MMP26: variants seen among roughly 807,000 people sequenced by gnomAD.
The protein encoded by MMP26 is matrix metallopeptidase 26.
Under a neutral mutation model 31.0 loss-of-function variants are expected in MMP26, and 33 were observed. The ratio of observed to expected loss-of-function variants is 1.06; its 90% CI spans 0.81 to 1.42. MMP26 has a LOEUF of 1.42. Ranked by LOEUF, MMP26 falls within the 40% of genes most tolerant of loss-of-function variation. The probability of loss-of-function intolerance (pLI) is 0.00; values close to 1 mark genes in which losing one functional copy is unlikely to be tolerated. For missense variants in MMP26, 347 were observed against 316.1 expected, an observed-to-expected ratio of 1.10 and a Z score of -0.74; for synonymous variants, 122 against 114.9, an observed-to-expected ratio of 1.06 and a Z score of -0.40.
At chr11:4,989,980 C>T (rs976600194) in intron 4 of MMP26, 112 bp downstream of exon 4, 72 of 782,068 alleles carry the variant, frequency 9.2e-5, no homozygotes, top group East Asian at 8.6e-4. Context: ...ATTGGCAGCC[C>T]GCTCAAAGCC....
chr11:4,943,968 T>A lies in MMP26; in HGVS notation c.-144-44100T>A, dbSNP rs1393370922. ...TAAAGCCACCTAATTACTCCTCATC[T>A]TTTTAGTGGAAATGAAGTCTTCATA... On this transcript the variant is annotated intron_variant, in intron 2 of 7. Coordinates refer to ENST00000380390, the MANE Select transcript of MMP26 (RefSeq NM_021801.5). 3 of 409,020 alleles carry A rather than the reference T, an allele frequency of 7.3e-6. No individual in the cohort carries two copies. In the East Asian group the frequency reaches 2.2e-4, roughly 30 times the overall value. 25.3% of individuals were successfully genotyped at this position (409,020 alleles called of 1,614,324 possible).
Position 4,812,927 on chromosome 11 carries a change from G to A in MMP26, c.-145+45586G>A, listed in dbSNP as rs376974963. On this transcript the variant is annotated intron_variant, in intron 2 of 7. Coordinates refer to ENST00000380390, the MANE Select transcript of MMP26 (RefSeq NM_021801.5). ...TTTTTCCTTTTGGCATAGTAAATTT[G>A]GCATCCTGAGATTTTCTTTTTTTTT... is the stretch of plus-strand genomic sequence containing the variant. 8.0e-4 allele frequency among the ~76,000 whole-genome samples: 122 copies of A among 151,678 alleles called. 1 individual carries two copies. The Middle Eastern group carries it at 0.017, about 21-fold the overall frequency.
At chr11:4,941,881 C>A (rs1022483490) in intron 2 of MMP26, among the ~76,000 whole-genome samples, 2 of 150,936 alleles carry the variant, frequency 1.3e-5, no homozygotes, top group African/African-American at 4.9e-5. Context: ...GTCAGGAGAT[C>A]GAGACCATCC....
At chr11:4,936,153 T>C (rs1271671043) in intron 2 of MMP26, among the ~76,000 whole-genome samples, 4 of 148,732 alleles carry the variant, frequency 2.7e-5, no homozygotes, top group Non-Finnish European at 4.5e-5. Context: ...GAAGGAATGG[T>C]ACCAGTTCCT....
intron 2 of MMP26, chr11:4,944,702 G>T (rs962481037): frequency 4.6e-5 from 7 of 151,998 alleles, no homozygotes; most frequent in African/African-American, 1.7e-4. Context: ...AGATTTTGAG[G>T]TCATATTAGG....
intron 2 of MMP26, chr11:4,943,473 C>G: frequency 2.2e-6 from 1 of 456,068 alleles, no homozygotes; most frequent in Non-Finnish European, 4.4e-6. Flanking sequence ...TTGATAGTTA[C>G]ATTTAGACTA....
chr11:4,989,979 C>G, intron 4 of MMP26, 111 bp downstream of exon 4: 1 of 782,088 alleles, frequency 1.3e-6, no homozygotes, highest in Non-Finnish European at 2.0e-6. Context: ...CATTGGCAGC[C>G]CGCTCAAAGC....
At chr11:4,830,364 G>A (rs1239197556) in intron 2 of MMP26, 1 of 152,164 alleles carries the variant, frequency 6.6e-6, no homozygotes, top group Non-Finnish European at 1.5e-5. Context: ...ATATTTCATG[G>A]GTTGTTCAAC....
intron 2 of MMP26, among the ~76,000 whole-genome samples, chr11:4,798,538 C>T (rs905100534): frequency 2.0e-5 from 3 of 152,196 alleles, no homozygotes; most frequent in African/African-American, 7.2e-5. Flanking sequence ...AAACATACTG[C>T]TTTGCATGTA....
At chr11:4,732,441 A>G (rs1848185094) in intron 1 of MMP26, among the ~76,000 whole-genome samples, 1 of 151,984 alleles carries the variant, frequency 6.6e-6, no homozygotes, top group African/African-American at 2.4e-5. Flanking sequence ...TCATTCATTT[A>G]AAATGTAAAA....
intron 2 of MMP26, chr11:4,943,691 T>G (rs934445901): frequency 1.7e-5 from 6 of 354,658 alleles, no homozygotes; most frequent in Non-Finnish European, 3.3e-5. Context: ...TGCTGCCAGT[T>G]GAGAACCACT....
intron 2 of MMP26, among the ~76,000 whole-genome samples, chr11:4,825,693 A>G (rs541037474): frequency 6.6e-6 from 1 of 152,248 alleles, no homozygotes; most frequent in East Asian, 1.9e-4. Flanking sequence ...TGAGTGTGTT[A>G]GTAATTGTGA....
chr11:4,759,465 A>T (rs374587191), intron 1 of MMP26, among the ~76,000 whole-genome samples: 62 of 152,270 alleles, frequency 4.1e-4, no homozygotes, highest in African/African-American at 1.5e-3. Context: ...TATATAAATT[A>T]TTCCTTCATC....
intron 2 of MMP26, among the ~76,000 whole-genome samples, chr11:4,969,140 C>G (rs78153650): frequency 0.017 from 2,614 of 152,004 alleles, 73 homozygotes; most frequent in African/African-American, 0.06. Flanking sequence ...GTCATAAGCC[C>G]AGATTCGGTA....
intron 1 of MMP26, among the ~76,000 whole-genome samples, chr11:4,715,251 G>T (rs144856268): frequency 2.0e-4 from 30 of 150,470 alleles, no homozygotes; most frequent in African/African-American, 7.3e-4. Context: ...GTATTTGATC[G>T]TACAATGGAA....
chr11:4,755,447 C>A (rs917685653), intron 1 of MMP26, among the ~76,000 whole-genome samples: 7 of 151,840 alleles, frequency 4.6e-5, no homozygotes, highest in African/African-American at 1.7e-4. Context: ...TGGGAACGAG[C>A]CATTTATTTT....
At chr11:4,848,090 C>T (rs1435025370) in intron 2 of MMP26, 13 of 800,346 alleles carry the variant, frequency 1.6e-5, no homozygotes, top group Admixed American at 5.1e-5. Flanking sequence ...TCAATATACA[C>T]AGGCATACTT....
Position 4,899,334 on chromosome 11 carries a change from C to T in MMP26, c.-144-88734C>T, listed in dbSNP as rs775469620. On this transcript the variant is annotated intron_variant, in intron 2 of 7. Coordinates refer to ENST00000380390, the MANE Select transcript of MMP26 (RefSeq NM_021801.5). ...TGTCTATTTGCCCAAGAAGAAGACACGATCATGAAAAGTTTGTGAACGAAC... is the reference window on the plus strand; with the variant it reads ...TGTCTATTTGCCCAAGAAGAAGACATGATCATGAAAAGTTTGTGAACGAAC... 5.3e-5 allele frequency among the ~76,000 whole-genome samples: 8 copies of T among 152,234 alleles called. No homozygotes were observed. In the East Asian group the frequency reaches 5.8e-4, roughly 11 times the overall value.
chr11:4,758,903 C>T (rs149074340), intron 1 of MMP26, among the ~76,000 whole-genome samples: 3,009 of 151,718 alleles, frequency 0.02, 105 homozygotes, highest in African/African-American at 0.068. Context: ...CCTGAGGTCA[C>T]GAGTTCGAGA....
Sources: gnomAD v4.1 joint callset for allele counts (sites outside exome capture counted in the v4.1 genomes callset) on GRCh38, gnomAD v4.1.1 for gene constraint, MANE v1.5 for transcripts, NCBI Gene and HGNC (gene_info 2026-07-23, HGNC 2026-07-21) for gene names.